GPR179: variants seen among roughly 807,000 people sequenced by gnomAD.
The protein encoded by GPR179 is probable G protein-coupled receptor 179.
Under a neutral mutation model 70.8 loss-of-function variants are expected in GPR179, and 52 were observed. The ratio of observed to expected loss-of-function variants is 0.73; its 90% confidence interval spans 0.59 to 0.93. GPR179 has a LOEUF of 0.93. Ranked by LOEUF, GPR179 falls within the 40% of genes least tolerant of loss-of-function variation. The pLI, the probability that GPR179 is intolerant of heterozygous loss-of-function variation, is 0.00. For synonymous variants in GPR179, 1,123 were observed against 1,169.0 expected, an observed-to-expected ratio of 0.96 and a Z score of 0.80; for missense variants, 2,734 against 2,966.8, an observed-to-expected ratio of 0.92 and a Z score of 1.82.
chr17:38,337,760 T>C, intron 2 of GPR179, 40 bp from the exon 3 acceptor site: 1 of 1,562,236 alleles, frequency 6.4e-7, no homozygotes, highest in Non-Finnish European at 8.8e-7. Flanking sequence ...TATGTGGGGC[T>C]TTCTCTGGAA....
chr17:38,327,469 T>C lies in GPR179; in HGVS notation c.6100A>G (p.Arg2034Gly). The change falls in exon 11 of 11, where the codon AGG (arginine) becomes GGG (glycine). Residue 2034 changes from arginine to glycine, a missense_variant. Physicochemically the swap from Arg to Gly is moderately radical, Grantham distance 125. Coordinates refer to ENST00000616987, the MANE Select transcript of GPR179 (RefSeq NM_001004334.4). ...TGAGAGTCCCCTTTTCCATCCTGCC[T>C]TGACACCCCTTTGACAGGGATTCTT... ...TERIPVKGVS[R>G]QDGKGDSQEE... The C allele has an allele frequency of 6.2e-7, 1 of 1,614,228 alleles. No individual in the cohort carries two copies. The highest frequency in any genetic ancestry group is 8.5e-7 in the Non-Finnish European group (1 of 1,180,028).
chr17:38,335,668 G>T lies in GPR179; in HGVS notation c.1329C>A (p.Phe443Leu), dbSNP rs1336916248. 2 of 1,614,074 alleles carry T rather than the reference G, an allele frequency of 1.2e-6. No individual in the cohort carries two copies. The highest frequency in any genetic ancestry group is 1.7e-6 in the Non-Finnish European group (2 of 1,179,920). The change falls in exon 6 of 11, where the codon TTC becomes TTA. Residue 443 changes from phenylalanine (F) to leucine (L), a missense_variant. Coordinates refer to ENST00000616987, the MANE Select transcript of GPR179 (RefSeq NM_001004334.4). ...VFILYFKPSV[F>L]RCIALRWVRL... is the part of the protein sequence containing the mutation. ...GCACCCAGCGAAGAGCGATGCAGCGGAATACACTGGGCTTGAAGTATAGGA... is the reference window on the plus strand; with the variant it reads ...GCACCCAGCGAAGAGCGATGCAGCGTAATACACTGGGCTTGAAGTATAGGA...
Position 38,329,199 on chromosome 17 carries a change from C to T in GPR179, c.4370G>A (p.Ser1457Asn), listed in dbSNP as rs750345369. 51 of 1,613,868 alleles carry T rather than the reference C, an allele frequency of 3.2e-5. No homozygotes were observed. The highest frequency in any genetic ancestry group is 4.2e-5 in the Non-Finnish European group (50 of 1,179,976). ...GSSECSGSLG[S>N]GIAEVCLWEA... Reference sequence around the variant, plus strand: ...CCACAGACACACTTCAGCAATGCCACTGCCCAAACTCCCTGAACACTCTGA... The same window carrying T: ...CCACAGACACACTTCAGCAATGCCATTGCCCAAACTCCCTGAACACTCTGA... The change falls in exon 11 of 11, where the codon AGT (serine) becomes AAT (asparagine). Residue 1457 changes from serine (S) to asparagine (N), a missense_variant. Coordinates refer to ENST00000616987, the MANE Select transcript of GPR179 (RefSeq NM_001004334.4).
chr17:38,333,508 C>T lies in GPR179; in HGVS notation c.1891-111G>A, dbSNP rs1675734868. ...TTACTTTGTGACGCTTCACCCCCTT[C>T]TCTGACTTGGAATTCTGGGGATCTT... On this transcript the variant is annotated intron_variant, in intron 9 of 10. Transcript: ENST00000616987. 1.9e-5 allele frequency: 21 copies of T among 1,118,436 alleles called. No homozygotes were observed. In the South Asian group the frequency reaches 3.3e-4, roughly 18 times the overall value. 69.3% of individuals were successfully genotyped at this position (1,118,436 alleles called of 1,614,324 possible).
Position 38,328,989 on chromosome 17 carries a change from T to A in GPR179, c.4580A>T (p.Lys1527Ile). ...AACTGACTCCTGCTGTTGACTTAATTTCTGCACTGCTTTCACAGTTTGTTC... is the reference window on the plus strand; with the variant it reads ...AACTGACTCCTGCTGTTGACTTAATATCTGCACTGCTTTCACAGTTTGTTC... ...MGEQTVKAVQKLSQQQESVCP... is the reference protein window; with the variant it reads ...MGEQTVKAVQILSQQQESVCP... Residue 1527 changes from lysine to isoleucine, a missense_variant, in exon 11 of 11, where the codon AAA becomes ATA. Physicochemically the swap from Lys to Ile is moderately radical, Grantham distance 102. Transcript: ENST00000616987. 1 of 1,614,198 alleles carries A rather than the reference T, an allele frequency of 6.2e-7. No individual in the cohort carries two copies. The highest frequency in any genetic ancestry group is 8.5e-7 in the Non-Finnish European group (1 of 1,180,022).
Position 38,328,782 on chromosome 17 carries a change from T to C in GPR179, c.4787A>G (p.Glu1596Gly). The C allele has an allele frequency of 6.2e-7, 1 of 1,614,202 alleles. No individual in the cohort carries two copies. The highest frequency in any genetic ancestry group is 8.5e-7 in the Non-Finnish European group (1 of 1,180,026). ...TPAKTEICPW[E>G]VNERTREEWT... ...TTCCTCTCTTGTTCTTTCATTTACCTCCCAGGGACAGATTTCTGTTTTGGC... is the reference window on the plus strand; with the variant it reads ...TTCCTCTCTTGTTCTTTCATTTACCCCCCAGGGACAGATTTCTGTTTTGGC... The change falls in exon 11 of 11, where the codon GAG (glutamate) becomes GGG (glycine). Residue 1596 changes from glutamate to glycine, a missense_variant. Glu to Gly is a moderately conservative substitution (Grantham distance 98, BLOSUM62 -2). Coordinates refer to ENST00000616987, the MANE Select transcript of GPR179 (RefSeq NM_001004334.4).
chr17:38,327,316 G>C lies in GPR179; in HGVS notation c.6253C>G (p.Leu2085Val). The C allele has an allele frequency of 6.2e-7, 1 of 1,614,232 alleles. No individual in the cohort carries two copies. Among genetic ancestry groups the C allele is most frequent in the Non-Finnish European group, 8.5e-7 (1 of 1,180,038 alleles). Residue 2085 changes from leucine to valine, a missense_variant, in exon 11 of 11, where the codon CTG (leucine) becomes GTG (valine). Transcript: ENST00000616987. ...CPWESQDGKG[L>V]SPQPAPDASD... ...GCATCTGGGGCTGGCTGTGGGGACA[G>C]ACCCTTGCCATCTTGACTCTCCCAG... is the stretch of plus-strand genomic sequence containing the variant.
Position 38,330,213 on chromosome 17 carries a change from G to A in GPR179, c.3356C>T (p.Ala1119Val), listed in dbSNP as rs200950704. 5.0e-4 allele frequency: 783 copies of A among 1,569,308 alleles called. 4 individuals carry two copies. Among genetic ancestry groups the A allele is most frequent in the Middle Eastern group, 1.7e-4 (1 of 5,818 alleles). ...ESPEGQNSGTAGESMGAPSRS... is the reference protein window; with the variant it reads ...ESPEGQNSGTVGESMGAPSRS... ...GGAGGGTGCCCCCATACTCTCTCCC[G>A]CAGTCCCGCTGTTCTGCCCCTCGGG... Residue 1119 changes from alanine (A) to valine (V), a missense_variant, in exon 11 of 11, where the codon GCG becomes GTG. Ala to Val is a moderately conservative substitution (Grantham distance 64). Coordinates refer to ENST00000616987, the MANE Select transcript of GPR179 (RefSeq NM_001004334.4).
chr17:38,326,511 T>G lies in GPR179; in HGVS notation c.7058A>C (p.Tyr2353Ser). The change falls in exon 11 of 11, where the codon TAT becomes TCT. Residue 2353 changes from tyrosine to serine, a missense_variant. Physicochemically the swap from Tyr to Ser is moderately radical, Grantham distance 144. Coordinates refer to ENST00000616987, the MANE Select transcript of GPR179 (RefSeq NM_001004334.4). ...GACAGTGGGAGGGGTGAATTCTTCA[T>G]ACTGAGCTTCAAAAGCCACTTGGCC... ...DSGQVAFEAQ[Y>S]EEFTPPTVYP... 6.2e-7 allele frequency: 1 copy of G among 1,613,804 alleles called. No individual in the cohort carries two copies. Among genetic ancestry groups the G allele is most frequent in the South Asian group, 1.1e-5 (1 of 91,066 alleles).
chr17:38,337,518 GC>G, intron 3 of GPR179, 114 bp downstream of exon 3: 1 of 917,368 alleles, frequency 1.1e-6, no homozygotes, highest in Non-Finnish European at 1.7e-6. Context: ...TTCTGCCCTT[GC>G]CCCACAAGTT....
chr17:38,343,563 C>G lies in GPR179; in HGVS notation c.227G>C (p.Cys76Ser). 1 of 1,613,826 alleles carries G rather than the reference C, an allele frequency of 6.2e-7. No homozygotes were observed. Among genetic ancestry groups the G allele is most frequent in the South Asian group, 1.1e-5 (1 of 91,088 alleles). The change falls in exon 1 of 11, where the codon TGC becomes TCC. Residue 76 changes from cysteine (C) to serine (S), a missense_variant. Physicochemically the swap from Cys to Ser is moderately radical, Grantham distance 112. Transcript: ENST00000616987. This position sits in a 1 kb window ranked among gnomAD's most constrained non-coding sequence, Gnocchi z 4.2. The part of the protein sequence containing the change: ...GDAQQLSQVN[C>S]SERYEARGAG... The stretch of plus-strand genomic sequence containing the variant: ...CCCACGCGCTTCATAGCGCTCACTG[C>G]AATTCACCTGTGATAGCTGCTGGGC...
rs376870793 is a variant in GPR179 at position 38,342,993 on chromosome 17, T to A, written c.794+3A>T. On this transcript the variant is annotated splice_donor_region_variant and intron_variant, in intron 1 of 10. Transcript: ENST00000616987. ...GCATCAAATCCTGCACAAACCCACTTACCTGACTTCTGGGCTGAGGTCTGG... is the reference window on the plus strand; with the variant it reads ...GCATCAAATCCTGCACAAACCCACTAACCTGACTTCTGGGCTGAGGTCTGG... 2.6e-5 allele frequency: 42 copies of A among 1,593,204 alleles called. No homozygotes were observed. Among genetic ancestry groups the A allele is most frequent in the Non-Finnish European group, 3.1e-5 (36 of 1,168,822 alleles).
In GPR179 at chr17:38,330,160, C is replaced by T. The variant is rs2144261487; in HGVS notation, c.3409G>A (p.Ala1137Thr). The T allele has an allele frequency of 6.3e-7, 1 of 1,584,214 alleles. No homozygotes were observed. The highest frequency in any genetic ancestry group is 8.6e-7 in the Non-Finnish European group (1 of 1,164,292). ...SRSPRLGRPK[A>T]VSKQAALIPS... ...ATAAGAGCGGCCTGCTTACTCACCG[C>T]CTTGGGCCGGCCTAGCCTGGGCGAT... Residue 1137 changes from alanine (A) to threonine (T), a missense_variant, in exon 11 of 11, where the codon GCG becomes ACG. Physicochemically the swap from Ala to Thr is moderately conservative, Grantham distance 58. Transcript: ENST00000616987.
chr17:38,334,669 T>G lies in GPR179; in HGVS notation c.1784+35A>C, dbSNP rs1597666547. ...GGAGAGGTGAGGAGTACTGTTAGAG[T>G]GGAAGGGGGTGTGGGGAGGTGAGTC... On this transcript the variant is annotated intron_variant, in intron 8 of 10. Coordinates refer to ENST00000616987, the MANE Select transcript of GPR179 (RefSeq NM_001004334.4). This position sits in a 1 kb window ranked among gnomAD's most constrained non-coding sequence, Gnocchi z 4.7. 3.2e-6 allele frequency: 5 copies of G among 1,585,226 alleles called. No individual in the cohort carries two copies. The highest frequency in any genetic ancestry group is 2.3e-5 in the East Asian group (1 of 43,840).
intron 1 of GPR179, among the ~76,000 whole-genome samples, chr17:38,340,805 A>T (rs941924774): frequency 1.3e-5 from 2 of 152,084 alleles, no homozygotes; most frequent in African/African-American, 4.8e-5. Context: ...GTAATCCCAG[A>T]TACTCAGGAG....
chr17:38,328,524 C>T lies in GPR179; in HGVS notation c.5045G>A (p.Gly1682Glu). Residue 1682 changes from glycine to glutamate, a missense_variant, in exon 11 of 11, where the codon GGA becomes GAA. Gly to Glu is a moderately conservative substitution (Grantham distance 98). Transcript: ENST00000616987. ...AGGGCAAATGTCGGCAGCTTTGCTT[C>T]CCACACTGCCTGACATCTGGAGAAG... ...QTLLQMSGSV[G>E]SKAADICPLD... 1.2e-6 allele frequency: 2 copies of T among 1,613,624 alleles called. No individual in the cohort carries two copies. Among genetic ancestry groups the T allele is most frequent in the East Asian group, 4.5e-5 (2 of 44,818 alleles).
chr17:38,340,946 CA>C (rs759342791), intron 1 of GPR179, among the ~76,000 whole-genome samples: 1 of 151,306 alleles, frequency 6.6e-6, no homozygotes, highest in Non-Finnish European at 1.5e-5. Context: ...AACAAACAAA[CA>C]AAAAACTTTG....
At chr17:38,339,204 C>CAGGAGGAAT (rs2037429279) in intron 2 of GPR179, 1 of 517,854 alleles carries the variant, frequency 1.9e-6, no homozygotes, top group Admixed American at 3.6e-5. Context: ...AGGGCAGGAG[C>CAGGAGGAAT]AGGAGGAATA....
rs757083724 is a variant in GPR179, at chr17:38,331,170, C to T, written c.2399G>A (p.Arg800Gln). The T allele has an allele frequency of 3.1e-5, 50 of 1,608,360 alleles. No homozygotes were observed. Among genetic ancestry groups the T allele is most frequent in the Middle Eastern group, 1.7e-4 (1 of 5,984 alleles). ...LRRKLAKKAS[R>Q]TESRESVEGP... is the part of the protein sequence containing the mutation. ...CTCCACCGACTCCCGGCTCTCTGTTCGAGAGGCCTTCTTGGCCAGCTTCCT... is the reference window on the plus strand; with the variant it reads ...CTCCACCGACTCCCGGCTCTCTGTTTGAGAGGCCTTCTTGGCCAGCTTCCT... The change falls in exon 11 of 11, where the codon CGA becomes CAA. Residue 800 changes from arginine to glutamine, a missense_variant. Transcript: ENST00000616987.
Sources: allele counts gnomAD v4.1 joint callset (sites outside exome capture counted in the v4.1 genomes callset), GRCh38; gene constraint gnomAD v4.1.1; non-coding constraint Gnocchi (gnomAD v3.1); transcripts MANE v1.5; gene names NCBI Gene and HGNC (gene_info 2026-07-23, HGNC 2026-07-21).